Variants in ABHD8 observed in about 807,000 individuals in gnomAD.
ABHD8 encodes protein ABHD8.
A neutral mutation model predicts 29.3 loss-of-function variants in ABHD8; 10 were observed. That is an observed-to-expected ratio of 0.34 (90% CI 0.21 to 0.58). The LOEUF (loss-of-function observed/expected upper bound fraction) is 0.58. ABHD8 is among the 20% of genes least tolerant of loss of function. ABHD8 has a pLI of 0.85. For synonymous variants in ABHD8, 282 were observed against 274.6 expected, an observed-to-expected ratio of 1.03 and a Z score of -0.27; for missense variants, 556 against 615.3, an observed-to-expected ratio of 0.90 and a Z score of 1.02.
chr19:17,296,657 T>C (rs1392657937), intron 2 of ABHD8: 1 of 151,990 alleles, frequency 6.6e-6, no homozygotes, highest in African/African-American at 2.4e-5. Context: ...AAATACAGTT[T>C]ACACTTTTGG....
chr19:17,300,996 A>T lies in ABHD8; in HGVS notation c.621T>A (p.Ala207=). 1 of 1,613,470 alleles carries T rather than the reference A, an allele frequency of 6.2e-7. No homozygotes were observed. Among genetic ancestry groups the T allele is most frequent in the Non-Finnish European group, 8.5e-7 (1 of 1,180,020 alleles). Residue 207 remains alanine (A), a synonymous_variant, in exon 2 of 5, where the codon GCT becomes GCA. Transcript: ENST00000247706. ...FFVRLGYEVV[A]PDLAGHGASS... ...TGGCCCCGTGGCCGGCCAGGTCAGG[A>T]GCCACCACCTCATAGCCTAGGCGCA...
chr19:17,295,355 C>T lies in ABHD8; in HGVS notation c.762-510G>A, dbSNP rs373094104. Among the ~76,000 whole-genome samples the T allele has an allele frequency of 4.4e-4, 67 of 152,220 alleles. No individual in the cohort carries two copies. The South Asian group carries it at 0.011, about 25-fold the overall frequency. ...TTCCTGACCTCAAGTGATCCATCCG[C>T]CTCGGCCTCCCAAAGTGCTGGGATT... On this transcript the variant is annotated intron_variant, in intron 2 of 4. Coordinates refer to ENST00000247706, the MANE Select transcript of ABHD8 (RefSeq NM_024527.5).
chr19:17,301,096 G>C lies in ABHD8; in HGVS notation c.521C>G (p.Ala174Gly). 1 of 1,613,364 alleles carries C rather than the reference G, an allele frequency of 6.2e-7. No homozygotes were observed. The highest frequency in any genetic ancestry group is 1.1e-5 in the South Asian group (1 of 91,086). ...ATGGATGAAAAAGAGCACCACGTCG[G>C]CCTGGGCGCCTTTGCAGCTAGTGAT... is the stretch of plus-strand genomic sequence containing the variant. Reference protein sequence around the residue: ...KRITSCKGAQADVVLFFIHGV... With the variant: ...KRITSCKGAQGDVVLFFIHGV... The change falls in exon 2 of 5, where the codon GCC becomes GGC. Residue 174 changes from alanine to glycine, a missense_variant. Around this residue, in one of 2 missense-constraint regions of ABHD8, gnomAD observed 286 missense variants for 261.4 expected, o/e 1.09. Transcript: ENST00000247706.
intron 1 of ABHD8, among the ~76,000 whole-genome samples, chr19:17,301,856 G>A (rs2074121592): frequency 6.6e-6 from 1 of 151,842 alleles, no homozygotes; most frequent in Non-Finnish European, 1.5e-5. Flanking sequence ...GGCAGTGGCC[G>A]GATTTCGGCT....
intron 2 of ABHD8, among the ~76,000 whole-genome samples, chr19:17,295,090 ATTTTTTTT>A (rs779607230): frequency 2.5e-5 from 2 of 80,416 alleles, no homozygotes; most frequent in African/African-American, 9.8e-5. Flanking sequence ...CACCCAGGTA[ATTTTTTTT>A]TTTTTTTTTT....
intron 1 of ABHD8, among the ~76,000 whole-genome samples, chr19:17,301,827 T>G (rs1350126478): frequency 6.6e-6 from 1 of 151,726 alleles, no homozygotes; most frequent in Non-Finnish European, 1.5e-5. Flanking sequence ...ACAGTCTCGC[T>G]TTGTCATCCA....
chr19:17,292,378 A>C lies in ABHD8; in HGVS notation c.*283T>G. 11 of 427,720 alleles carry C rather than the reference A, an allele frequency of 2.6e-5. No homozygotes were observed. The highest frequency in any genetic ancestry group is 4.5e-5 in the Non-Finnish European group (11 of 242,338). 26.5% of individuals were successfully genotyped at this position (427,720 alleles called of 1,614,324 possible). On this transcript the variant is annotated 3_prime_UTR_variant, in exon 5 of 5. Transcript: ENST00000247706. ...TGCCTTGGCCGTGGCGTTGGGGGGA[A>C]GGTGAGGGAGAGCTTCTGTACAAGG...
intron 2 of ABHD8, among the ~76,000 whole-genome samples, chr19:17,299,485 T>C (rs935382261): frequency 8.1e-5 from 11 of 136,616 alleles, no homozygotes; most frequent in African/African-American, 3.1e-4. Context: ...GGCATGAACC[T>C]GGGAGGTGGA....
At chr19:17,299,257 A>AT (rs1209650719) in intron 2 of ABHD8, among the ~76,000 whole-genome samples, 11 of 135,524 alleles carry the variant, frequency 8.1e-5, no homozygotes, top group East Asian at 2.4e-4. Context: ...TCTCTATATA[A>AT]TTTTTTTTTG....
rs756997082 is a variant in ABHD8 at position 17,294,889 on chromosome 19, G to A, written c.762-44C>T. On this transcript the variant is annotated intron_variant, in intron 2 of 4. Coordinates refer to ENST00000247706, the MANE Select transcript of ABHD8 (RefSeq NM_024527.5). Reference sequence around the variant, plus strand: ...GTGATAGGAGGATTGAAGGGAGGCGGTCAGCAGGATACAAGCAGTGACCAT... The same window carrying A: ...GTGATAGGAGGATTGAAGGGAGGCGATCAGCAGGATACAAGCAGTGACCAT... 13 of 1,598,402 alleles carry A rather than the reference G, an allele frequency of 8.1e-6. No homozygotes were observed. In the East Asian group the frequency reaches 2.7e-4, roughly 33 times the overall value.
chr19:17,301,776 T>TTGTGTGTGTGTGTG (rs10679164), intron 1 of ABHD8, among the ~76,000 whole-genome samples, 152 bp from the exon 2 acceptor site: 95 of 147,458 alleles, frequency 6.4e-4, no homozygotes, highest in African/African-American at 2.2e-3. Flanking sequence ...ATTTTTTTGT[T>TTGTGTGTGTGTGTG]TGTGTGTGTG....
intron 2 of ABHD8, chr19:17,296,080 G>A (rs1463110098): frequency 1.3e-5 from 2 of 152,218 alleles, no homozygotes; most frequent in African/African-American, 4.8e-5. Context: ...CTTCCCCTGG[G>A]GTCCATGGAC....
rs1249542435 is a variant in ABHD8 at position 17,294,851 on chromosome 19, C to T, written c.762-6G>A. On this transcript the variant is annotated splice_polypyrimidine_tract_variant and splice_region_variant and intron_variant, in intron 2 of 4. Transcript: ENST00000247706. ...GGAATGTGCAGAAAGAGACACTGCC[C>T]GGAACGGGTGGGGTGATAGGAGGAT... The T allele has an allele frequency of 1.2e-6, 2 of 1,612,562 alleles. No individual in the cohort carries two copies. Among genetic ancestry groups the T allele is most frequent in the Admixed American group, 1.7e-5 (1 of 59,950 alleles).
chr19:17,292,655 C>G lies in ABHD8; in HGVS notation c.*6G>C. On this transcript the variant is annotated 3_prime_UTR_variant, in exon 5 of 5. Transcript: ENST00000247706. The stretch of plus-strand genomic sequence containing the variant: ...CTCACCAAGCGATGCCCCGCCGGCC[C>G]AGCGGCTACTTCTTGTCTTCTGGAG... The G allele has an allele frequency of 6.2e-7, 1 of 1,605,710 alleles. No homozygotes were observed. The highest frequency in any genetic ancestry group is 8.5e-7 in the Non-Finnish European group (1 of 1,176,388).
Position 17,301,184 on chromosome 19 carries a change from C to G in ABHD8, c.433G>C (p.Gly145Arg). Residue 145 changes from glycine to arginine, a missense_variant, in exon 2 of 5, where the codon GGT (glycine) becomes CGT (arginine). By Grantham distance (125) the Gly-to-Arg change is moderately radical. This residue lies in a region of ABHD8 where 286 missense variants were observed against 261.4 expected (regional missense o/e 1.09). Coordinates refer to ENST00000247706, the MANE Select transcript of ABHD8 (RefSeq NM_024527.5). ...CGCCTGGCTCGCCGCCGCCGCCCACCACTGCCACTGCCGCTGCCGCTGCCT... is the reference window on the plus strand; with the variant it reads ...CGCCTGGCTCGCCGCCGCCGCCCACGACTGCCACTGCCGCTGCCGCTGCCT... ...SAGSGSGSGS[G>R]GRRRRARRPK... is the part of the protein sequence containing the mutation. 7 of 1,605,372 alleles carry G rather than the reference C, an allele frequency of 4.4e-6. No individual in the cohort carries two copies. Among genetic ancestry groups the G allele is most frequent in the Non-Finnish European group, 5.9e-6 (7 of 1,178,038 alleles).
At chr19:17,301,996 G>A (rs2074122323) in intron 1 of ABHD8, among the ~76,000 whole-genome samples, 1 of 152,118 alleles carries the variant, frequency 6.6e-6, no homozygotes, top group South Asian at 2.1e-4. Flanking sequence ...GTTTCACCAT[G>A]TTGGCCAGGC....
At chr19:17,299,525 C>A (rs1431424205) in intron 2 of ABHD8, among the ~76,000 whole-genome samples, 1 of 141,124 alleles carries the variant, frequency 7.1e-6, no homozygotes, top group Non-Finnish European at 1.5e-5. Context: ...CACGCCACTG[C>A]ACTCCAGCCT....
intron 2 of ABHD8, 133 bp from the exon 3 acceptor site, chr19:17,294,978 C>A: frequency 9.0e-7 from 1 of 1,112,120 alleles, no homozygotes; most frequent in Non-Finnish European, 1.3e-6. Context: ...GGCTGGAATG[C>A]AGTGGCTCCA....
In ABHD8 at chr19:17,294,846, CT is replaced by C; in HGVS notation, c.762-2del. 6.2e-7 allele frequency: 1 copy of C among 1,612,860 alleles called. No individual in the cohort carries two copies. Among genetic ancestry groups the C allele is most frequent in the Non-Finnish European group, 8.5e-7 (1 of 1,178,948 alleles). On this transcript the variant is annotated splice_acceptor_variant, in intron 2 of 4. Coordinates refer to ENST00000247706, the MANE Select transcript of ABHD8 (RefSeq NM_024527.5). LOFTEE classifies it high-confidence loss of function. Reference sequence around the variant, plus strand: ...TGCCAGGAATGTGCAGAAAGAGACACTGCCCGGAACGGGTGGGGTGATAGGA... The same window carrying C: ...TGCCAGGAATGTGCAGAAAGAGACACGCCCGGAACGGGTGGGGTGATAGGA...
Sources: gnomAD v4.1 joint callset for allele counts (sites outside exome capture counted in the v4.1 genomes callset) on GRCh38, gnomAD v4.1.1 for gene constraint, gnomAD v4.1.1 regional missense constraint, MANE v1.5 for transcripts, NCBI Gene and HGNC (gene_info 2026-07-23, HGNC 2026-07-21) for gene names.